RTN1: variants seen among roughly 807,000 people sequenced by gnomAD.
RTN1 encodes the protein reticulon-1.
Under a neutral mutation model 65.5 loss-of-function variants are expected in RTN1, and 25 were observed. That is an observed-to-expected ratio of 0.38 (90% confidence interval 0.28 to 0.53). The LOEUF is 0.53. Among genes scored for constraint, RTN1 ranks in the 20% least tolerant of loss-of-function variants. The pLI, the probability that RTN1 is intolerant of heterozygous loss-of-function variation, is 0.79. For missense variants in RTN1, 983 were observed against 1,025.4 expected, an observed-to-expected ratio of 0.96 and a Z score of 0.57; for synonymous variants, 471 against 447.6, an observed-to-expected ratio of 1.05 and a Z score of -0.66.
chr14:59,702,887 G>A (rs1875242602), intron 3 of RTN1, among the ~76,000 whole-genome samples: 1 of 152,110 alleles, frequency 6.6e-6, no homozygotes, highest in Non-Finnish European at 1.5e-5. Context: ...CCTTTCCAAT[G>A]ACTCTCCCTT....
chr14:59,658,944 A>G (rs895842179), intron 3 of RTN1, among the ~76,000 whole-genome samples: 2 of 152,216 alleles, frequency 1.3e-5, no homozygotes, highest in Admixed American at 1.3e-4. Flanking sequence ...TCTGAGCTAA[A>G]GAAGCATGTT....
intron 1 of RTN1, among the ~76,000 whole-genome samples, chr14:59,777,825 A>C (rs28645822): frequency 0.37 from 27,707 of 75,720 alleles, 2,743 homozygotes; most frequent in Middle Eastern, 0.5. Flanking sequence ...ACAACAACAA[A>C]AAAAAAAAAC....
intron 1 of RTN1, among the ~76,000 whole-genome samples, chr14:59,761,206 A>C (rs1037439889): frequency 1.3e-5 from 2 of 152,150 alleles, no homozygotes; most frequent in African/African-American, 4.8e-5. Flanking sequence ...TTTTCATGCT[A>C]ATTGTCTTAG....
chr14:59,727,456 C>T lies in RTN1; in HGVS notation c.1228G>A (p.Asp410Asn), dbSNP rs1273596699. The T allele has an allele frequency of 1.3e-6, 2 of 1,560,440 alleles. No homozygotes were observed. Among genetic ancestry groups the T allele is most frequent in the Non-Finnish European group, 1.7e-6 (2 of 1,152,978 alleles). Residue 410 changes from aspartate (D) to asparagine (N), a missense_variant, in exon 3 of 9, where the codon GAC becomes AAC. Asp to Asn is a conservative substitution (Grantham distance 23). Transcript: ENST00000267484. The surrounding 1 kb of genome is among the most constrained non-coding windows in gnomAD (Gnocchi z 4.2). The part of the protein sequence containing the change: ...DHEASSAESG[D>N]SEIELVSEDP... ...TCGGACACCAGCTCGATCTCTGAGTCCCCCGACTCCGCGCTGCTGGCCTCG... is the reference window on the plus strand; with the variant it reads ...TCGGACACCAGCTCGATCTCTGAGTTCCCCGACTCCGCGCTGCTGGCCTCG...
chr14:59,817,039 G>A (rs1886833390), intron 1 of RTN1, among the ~76,000 whole-genome samples: 1 of 151,658 alleles, frequency 6.6e-6, no homozygotes, highest in Non-Finnish European at 1.5e-5. Context: ...TGAACTTACA[G>A]AAGAATAAGA....
intron 3 of RTN1, among the ~76,000 whole-genome samples, chr14:59,613,059 T>C (rs1285704014): frequency 6.6e-6 from 1 of 152,236 alleles, no homozygotes; most frequent in African/African-American, 2.4e-5. Flanking sequence ...ATTTCCTCTC[T>C]TGAATTTTCC....
At position 59,727,476 on chromosome 14, in the gene RTN1, G is replaced by C. The variant is rs1884800985; in HGVS notation, c.1208C>G (p.Ala403Gly). 1 of 1,577,918 alleles carries C rather than the reference G, an allele frequency of 6.3e-7. No homozygotes were observed. The highest frequency in any genetic ancestry group is 8.6e-7 in the Non-Finnish European group (1 of 1,162,634). ...PTIPSPLDHE[A>G]SSAESGDSEI... ...TGAGTCCCCCGACTCCGCGCTGCTGGCCTCGTGGTCCAGGGGGCTGGGGAT... is the reference window on the plus strand; with the variant it reads ...TGAGTCCCCCGACTCCGCGCTGCTGCCCTCGTGGTCCAGGGGGCTGGGGAT... The change falls in exon 3 of 9, where the codon GCC becomes GGC. Residue 403 changes from alanine (A) to glycine (G), a missense_variant. Coordinates refer to ENST00000267484, the MANE Select transcript of RTN1 (RefSeq NM_021136.3). This position sits in a 1 kb window ranked among gnomAD's most constrained non-coding sequence, Gnocchi z 4.2.
At chr14:59,792,173 T>C (rs1886360683) in intron 1 of RTN1, among the ~76,000 whole-genome samples, 1 of 152,136 alleles carries the variant, frequency 6.6e-6, no homozygotes, top group South Asian at 2.1e-4. Context: ...ATTTATTCTG[T>C]CTTTGAGCAT....
chr14:59,820,291 G>A (rs1262114504), intron 1 of RTN1, among the ~76,000 whole-genome samples: 1 of 147,504 alleles, frequency 6.8e-6, no homozygotes, highest in African/African-American at 2.5e-5. Context: ...CTGGATATTA[G>A]ACCTTGTTAG....
chr14:59,632,318 C>G (rs565495708), intron 3 of RTN1, among the ~76,000 whole-genome samples: 2 of 152,290 alleles, frequency 1.3e-5, no homozygotes, highest in African/African-American at 4.8e-5. Context: ...CCTACCTTTC[C>G]TCCCTCCTCC....
chr14:59,607,138 A>C, intron 4 of RTN1, 147 bp downstream of exon 4: 1 of 635,636 alleles, frequency 1.6e-6, no homozygotes, highest in Non-Finnish European at 2.7e-6. Flanking sequence ...GAAATGTTAG[A>C]TATTCAAAGA....
intron 1 of RTN1, among the ~76,000 whole-genome samples, chr14:59,792,084 T>C (rs1304099621): frequency 6.6e-6 from 1 of 152,170 alleles, no homozygotes; most frequent in African/African-American, 2.4e-5. Flanking sequence ...TACACTTCTT[T>C]CTCTGGCTGC....
chr14:59,858,098 G>A (rs1382991706), intron 1 of RTN1, among the ~76,000 whole-genome samples: 1 of 152,164 alleles, frequency 6.6e-6, no homozygotes, highest in Non-Finnish European at 1.5e-5. Flanking sequence ...TTGCTTTGTG[G>A]GAGTTGGCCA....
At chr14:59,813,859 A>G (rs1886772434) in intron 1 of RTN1, among the ~76,000 whole-genome samples, 1 of 152,246 alleles carries the variant, frequency 6.6e-6, no homozygotes, top group Non-Finnish European at 1.5e-5. Context: ...ATGAATGTAT[A>G]TAAATATGAT....
intron 3 of RTN1, among the ~76,000 whole-genome samples, chr14:59,722,638 G>A (rs996129478): frequency 6.6e-6 from 1 of 151,836 alleles, no homozygotes; most frequent in Admixed American, 6.6e-5. Flanking sequence ...AAAACAGTAT[G>A]TTCAATATAA....
chr14:59,707,300 C>T lies in RTN1; in HGVS notation c.1765+19619G>A, dbSNP rs187300576. The stretch of plus-strand genomic sequence containing the variant: ...GGCACATTTGTTGCCCTTGTAGCAA[C>T]CTTAACATGTCCATTCCAATATTCT... On this transcript the variant is annotated intron_variant, in intron 3 of 8. Coordinates refer to ENST00000267484, the MANE Select transcript of RTN1 (RefSeq NM_021136.3). Among the ~76,000 whole-genome samples, 65 of 152,332 alleles carry T rather than the reference C, an allele frequency of 4.3e-4. 1 individual carries two copies. In the Middle Eastern group the frequency reaches 0.02, roughly 48 times the overall value.
intron 1 of RTN1, among the ~76,000 whole-genome samples, chr14:59,821,427 A>C (rs1886942459): frequency 6.6e-6 from 1 of 152,220 alleles, no homozygotes. Context: ...TACAGACTAC[A>C]GGGTTTTCTA....
At chr14:59,699,304 C>T (rs12431410) in intron 3 of RTN1, among the ~76,000 whole-genome samples, 98,443 of 151,716 alleles carry the variant, frequency 0.65, 32,089 homozygotes, top group South Asian at 0.72. Flanking sequence ...AAAATAAAAA[C>T]AAAAGTTAAT....
chr14:59,625,259 G>A (rs979383335), intron 3 of RTN1, among the ~76,000 whole-genome samples: 1 of 152,146 alleles, frequency 6.6e-6, no homozygotes, highest in African/African-American at 2.4e-5. Context: ...ACAGAAATCT[G>A]AGAACAATAA....
Sources: allele counts gnomAD v4.1 joint callset (sites outside exome capture counted in the v4.1 genomes callset), GRCh38; gene constraint gnomAD v4.1.1; non-coding constraint Gnocchi (gnomAD v3.1); transcripts MANE v1.5; gene names NCBI Gene and HGNC (gene_info 2026-07-23, HGNC 2026-07-21).